COX10: variants seen among roughly 807,000 people sequenced by gnomAD.
The protein encoded by COX10 is cytochrome c oxidase assembly factor heme A:farnesyltransferase COX10.
COX10 carries 27 observed loss-of-function variants against 37.3 expected under a neutral mutation model. The ratio of observed to expected loss-of-function variants is 0.72; its 90% CI spans 0.53 to 1.00. The LOEUF is 1.00. Ranked by LOEUF, COX10 falls within the 50% of genes least tolerant of loss-of-function variation. COX10 has a pLI of 0.00. For missense variants in COX10, 475 were observed against 563.2 expected, an observed-to-expected ratio of 0.84 and a Z score of 1.59; for synonymous variants, 222 against 229.1, an observed-to-expected ratio of 0.97 and a Z score of 0.28.
At chr17:14,079,030 A>T (rs945048681) in intron 3 of COX10, among the ~76,000 whole-genome samples, 8 of 152,156 alleles carry the variant, frequency 5.3e-5, no homozygotes, top group African/African-American at 1.9e-4. Flanking sequence ...AAAACTTGGA[A>T]TATGGCTTTG....
chr17:14,099,577 C>T (rs1177238661), intron 3 of COX10, among the ~76,000 whole-genome samples: 2 of 151,934 alleles, frequency 1.3e-5, no homozygotes, highest in Admixed American at 1.3e-4. Flanking sequence ...TACTGGACAC[C>T]CATGCCACCT....
chr17:14,090,076 C>T (rs1915491653), intron 3 of COX10, among the ~76,000 whole-genome samples: 1 of 152,096 alleles, frequency 6.6e-6, no homozygotes, highest in African/African-American at 2.4e-5. Context: ...GTGGGTGGCA[C>T]TTTCAGCCTG....
At chr17:14,198,602 C>T (rs1448485664) in intron 6 of COX10, among the ~76,000 whole-genome samples, 1 of 152,142 alleles carries the variant, frequency 6.6e-6, no homozygotes, top group African/African-American at 2.4e-5. Context: ...GGGATCTTAT[C>T]AGGAAGTGAC....
intron 5 of COX10, among the ~76,000 whole-genome samples, chr17:14,187,846 T>C (rs928702960): frequency 1.3e-5 from 2 of 152,206 alleles, no homozygotes; most frequent in Non-Finnish European, 2.9e-5. Flanking sequence ...AATAGCTTCA[T>C]TTTCGTTTGC....
chr17:14,171,476 T>G (rs1474534122), intron 5 of COX10, among the ~76,000 whole-genome samples: 2 of 151,530 alleles, frequency 1.3e-5, no homozygotes, highest in Non-Finnish European at 2.9e-5. Flanking sequence ...CTCATATGTG[T>G]GTAATGTGCT....
chr17:14,185,222 T>C (rs1166429655), intron 5 of COX10, among the ~76,000 whole-genome samples: 1 of 150,684 alleles, frequency 6.6e-6, no homozygotes. Flanking sequence ...TGTGTGTGCC[T>C]GTGTGCGTCT....
intron 5 of COX10, among the ~76,000 whole-genome samples, chr17:14,165,517 C>G (rs914576440): frequency 2.0e-5 from 3 of 152,188 alleles, no homozygotes; most frequent in Non-Finnish European, 4.4e-5. Flanking sequence ...ACTGCTCCAC[C>G]AACTGGCAGT....
Position 14,170,364 on chromosome 17 carries a change from C to T in COX10, c.695+10417C>T, listed in dbSNP as rs375120258. On this transcript the variant is annotated intron_variant, in intron 5 of 6. Transcript: ENST00000261643. ...TGGAAAAAGCCAATTAGCAATTTTA[C>T]AAATTTTTATGTAATAAATAACATG... Among the ~76,000 whole-genome samples the T allele has an allele frequency of 2.8e-4, 42 of 152,208 alleles. 1 individual carries two copies. In the South Asian group the frequency reaches 7.0e-3, roughly 26 times the overall value.
At chr17:14,083,131 A>ATTTGGT (rs1915334579) in intron 3 of COX10, among the ~76,000 whole-genome samples, 3 of 152,196 alleles carry the variant, frequency 2.0e-5, no homozygotes, top group African/African-American at 7.2e-5. Flanking sequence ...TCACCTACAC[A>ATTTGGT]CACAGATGGA....
chr17:14,182,210 C>T (rs1905887178), intron 5 of COX10: 1 of 827,760 alleles, frequency 1.2e-6, no homozygotes, highest in African/African-American at 1.8e-5. Context: ...GGGAGAATCA[C>T]TTGACACCAA....
chr17:14,132,325 G>A (rs896462545), intron 4 of COX10, among the ~76,000 whole-genome samples: 3 of 151,846 alleles, frequency 2.0e-5, no homozygotes, highest in Non-Finnish European at 2.9e-5. Flanking sequence ...AAATTCTGAC[G>A]GAGAATCCGT....
intron 5 of COX10, among the ~76,000 whole-genome samples, chr17:14,173,182 G>A (rs1376501825): frequency 6.6e-6 from 1 of 152,198 alleles, no homozygotes; most frequent in Admixed American, 6.5e-5. Flanking sequence ...AATTCTTGCT[G>A]TCGTGGAGCT....
At chr17:14,092,930 C>T (rs1178426692) in intron 3 of COX10, among the ~76,000 whole-genome samples, 1 of 152,138 alleles carries the variant, frequency 6.6e-6, no homozygotes, top group Non-Finnish European at 1.5e-5. Flanking sequence ...TTGAGATCTG[C>T]TAACAAAAGC....
At chr17:14,070,705 A>G (rs1914999924) in intron 1 of COX10, among the ~76,000 whole-genome samples, 1 of 152,218 alleles carries the variant, frequency 6.6e-6, no homozygotes. Context: ...TCTCTGCACC[A>G]TCTGGTGATG....
At chr17:14,148,952 T>A (rs1341306219) in intron 4 of COX10, among the ~76,000 whole-genome samples, 3 of 148,248 alleles carry the variant, frequency 2.0e-5, no homozygotes, top group Non-Finnish European at 4.5e-5. Flanking sequence ...ATATACTATA[T>A]TAAAATATAA....
chr17:14,201,234 G>A (rs188578104), intron 6 of COX10, among the ~76,000 whole-genome samples: 5 of 152,310 alleles, frequency 3.3e-5, no homozygotes, highest in African/African-American at 7.2e-5. Context: ...CCACAGCCCC[G>A]GCACTAATTC....
chr17:14,194,327 CT>C (rs1424946928), intron 6 of COX10, among the ~76,000 whole-genome samples: 1 of 152,200 alleles, frequency 6.6e-6, no homozygotes, highest in African/African-American at 2.4e-5. Context: ...AGAAAAAGAG[CT>C]TTTCAAAAGT....
intron 3 of COX10, among the ~76,000 whole-genome samples, chr17:14,078,127 A>G (rs1462597714): frequency 6.6e-6 from 1 of 152,072 alleles, no homozygotes; most frequent in Admixed American, 6.6e-5. Context: ...CAGTGAGATG[A>G]ATTCTGTGTG....
In COX10 at chr17:14,077,029, G is replaced by T. The variant is rs1354253361; in HGVS notation, c.472G>T (p.Ala158Ser). The change falls in exon 3 of 7, where the codon GCT becomes TCT. Residue 158 changes from alanine (A) to serine (S), a missense_variant. Transcript: ENST00000261643. The stretch of plus-strand genomic sequence containing the variant: ...AGTGTATGATTTGCCAGGAATTTTG[G>T]CTCGACTATCCAAAATCAAACTCAC... ...LQVYDLPGIL[A>S]RLSKIKLTAL... 2 of 1,614,042 alleles carry T rather than the reference G, an allele frequency of 1.2e-6. No individual in the cohort carries two copies. The highest frequency in any genetic ancestry group is 2.2e-5 in the South Asian group (2 of 91,062).
Sources: gnomAD v4.1 joint callset for allele counts (sites outside exome capture counted in the v4.1 genomes callset) on GRCh38, gnomAD v4.1.1 for gene constraint, MANE v1.5 for transcripts, NCBI Gene and HGNC (gene_info 2026-07-23, HGNC 2026-07-21) for gene names.